GUF1: variants seen among roughly 807,000 people sequenced by gnomAD.
GUF1 encodes GTP binding elongation factor GUF1, also known as translation factor GUF1, mitochondrial.
In GUF1, 78 loss-of-function variants were observed where a neutral mutation model predicts 82.4. The ratio of observed to expected loss-of-function variants is 0.95; its 90% confidence interval spans 0.79 to 1.14. The LOEUF (loss-of-function observed/expected upper bound fraction) is 1.14. Among genes scored for constraint, GUF1 ranks in the 50% most tolerant of loss-of-function variants. GUF1 has a pLI of 0.00. For synonymous variants in GUF1, 279 were observed against 282.3 expected (o/e 0.99, Z 0.12); for missense variants, 814 against 798.2 (o/e 1.02, Z -0.24).
At chr4:44,682,973 A>G (rs533188647) in intron 5 of GUF1, among the ~76,000 whole-genome samples, 7 of 152,158 alleles carry the variant, frequency 4.6e-5, no homozygotes, top group East Asian at 3.9e-4. Flanking sequence ...TAATTGATAA[A>G]TTACTACTGA....
At chr4:44,695,904 A>G (rs9291246) in intron 15 of GUF1, among the ~76,000 whole-genome samples, 170 bp downstream of exon 15, 79,993 of 152,058 alleles carry the variant, frequency 0.53, 22,471 homozygotes, top group Non-Finnish European at 0.64. Flanking sequence ...GTTACTTTGA[A>G]TTACTTATAT....
At chr4:44,680,646 T>C (rs745757674) in intron 2 of GUF1, 48 bp from the exon 3 acceptor site, 18 of 1,439,232 alleles carry the variant, frequency 1.3e-5, no homozygotes, top group South Asian at 4.2e-5. Context: ...AATATTCTCT[T>C]TTTTTTTTAA....
intron 1 of GUF1, among the ~76,000 whole-genome samples, chr4:44,679,558 G>T (rs915187344): frequency 1.3e-5 from 2 of 152,130 alleles, no homozygotes; most frequent in Admixed American, 6.5e-5. Flanking sequence ...TATAAAGATG[G>T]TGCAATTCTC....
At position 44,685,966 on chromosome 4, in the gene GUF1, C is replaced by G. The variant is rs2109642897; in HGVS notation, c.677C>G (p.Ala226Gly). 1 of 1,598,538 alleles carries G rather than the reference C, an allele frequency of 6.3e-7. No individual in the cohort carries two copies. The highest frequency in any genetic ancestry group is 1.3e-5 in the African/African-American group (1 of 74,584). The change falls in exon 7 of 17, where the codon GCT (alanine) becomes GGT (glycine). Residue 226 changes from alanine to glycine, a missense_variant. Coordinates refer to ENST00000281543, the MANE Select transcript of GUF1 (RefSeq NM_021927.3). ...IPSDECIKIS[A>G]KLGTNVESVL... ...TCACATGTATCTTTTTAGATTTCTG[C>G]TAAACTTGGAACAAATGTTGAGAGT...
At chr4:44,684,689 A>G (rs74717185) in intron 6 of GUF1, among the ~76,000 whole-genome samples, 2,616 of 152,228 alleles carry the variant, frequency 0.017, 79 homozygotes, top group African/African-American at 0.057. Flanking sequence ...AGGAAACAAT[A>G]TACATAAAAC....
At chr4:44,695,920 C>T (rs1715783844) in intron 15 of GUF1, among the ~76,000 whole-genome samples, 186 bp downstream of exon 15, 1 of 152,128 alleles carries the variant, frequency 6.6e-6, no homozygotes, top group African/African-American at 2.4e-5. Flanking sequence ...TATATAACAG[C>T]ACTGGGTGAT....
At position 44,678,633 on chromosome 4, in the gene GUF1, T is replaced by G; in HGVS notation, c.11T>G (p.Leu4Arg). 1 of 1,468,464 alleles carries G rather than the reference T, an allele frequency of 6.8e-7. No individual in the cohort carries two copies. The highest frequency in any genetic ancestry group is 8.9e-7 in the Non-Finnish European group (1 of 1,122,980). The allele number at this position is 1,468,464 out of a possible 1,614,324, so 91.0% of individuals were successfully genotyped here. The stretch of plus-strand genomic sequence containing the variant: ...TCCGCCGCCCGGGTCATGTGGACCC[T>G]CGTGGGTCGGGGCTGGGGGTGCGCA... Reference protein sequence around the residue: MWTLVGRGWGCARA... With the variant: MWTRVGRGWGCARA... Residue 4 changes from leucine (L) to arginine (R), a missense_variant, in exon 1 of 17, where the codon CTC becomes CGC. Physicochemically the swap from Leu to Arg is moderately radical, Grantham distance 102. Transcript: ENST00000281543.
In GUF1 at chr4:44,695,597, T is replaced by C; in HGVS notation, c.1716-18T>C. 2 of 1,595,472 alleles carry C rather than the reference T, an allele frequency of 1.3e-6. No homozygotes were observed. Among genetic ancestry groups the C allele is most frequent in the Non-Finnish European group, 1.7e-6 (2 of 1,170,730 alleles). ...TTCTTATTTAGGATATATAAACAGTTGTATTTTTCTGTCTCAGAGACAAAG... is the reference window on the plus strand; with the variant it reads ...TTCTTATTTAGGATATATAAACAGTCGTATTTTTCTGTCTCAGAGACAAAG... On this transcript the variant is annotated intron_variant, in intron 14 of 16. Coordinates refer to ENST00000281543, the MANE Select transcript of GUF1 (RefSeq NM_021927.3).
intron 13 of GUF1, among the ~76,000 whole-genome samples, chr4:44,693,137 T>G (rs1363209645): frequency 1.3e-5 from 2 of 152,008 alleles, no homozygotes; most frequent in Non-Finnish European, 1.5e-5. Flanking sequence ...TCATAGACTA[T>G]GAATTAAGAT....
chr4:44,680,612 C>T (rs1714708865), intron 2 of GUF1, 60 bp downstream of exon 2: 1 of 1,425,560 alleles, frequency 7.0e-7, no homozygotes, highest in Admixed American at 2.4e-5. Flanking sequence ...ATTACTTTTA[C>T]TCTTAAATTT....
At chr4:44,689,229 T>C (rs201571452) in intron 9 of GUF1, 57 bp from the exon 10 acceptor site, 19 of 1,413,026 alleles carry the variant, frequency 1.3e-5, no homozygotes, top group Non-Finnish European at 1.7e-5. Context: ...ACACATGTGG[T>C]TTGATAGGTC....
At position 44,691,734 on chromosome 4, in the gene GUF1, T is replaced by C. The variant is rs1715459890; in HGVS notation, c.1548T>C (p.Phe516=). The stretch of plus-strand genomic sequence containing the variant: ...ATAGAGTTATGCTTAAATATCTCTT[T>C]CCTTTGAATGAAATTGTGGTAGATT... ...DQNRVMLKYL[F]PLNEIVVDFY... Residue 516 remains phenylalanine, a synonymous_variant, in exon 13 of 17, where the codon TTT becomes TTC. Transcript: ENST00000281543. 6.3e-7 allele frequency: 1 copy of C among 1,584,490 alleles called. No individual in the cohort carries two copies. Among genetic ancestry groups the C allele is most frequent in the Admixed American group, 1.7e-5 (1 of 59,034 alleles).
intron 16 of GUF1, 101 bp downstream of exon 16, chr4:44,697,545 CTT>C: frequency 6.9e-6 from 4 of 577,362 alleles, no homozygotes; most frequent in African/African-American, 3.8e-5. Context: ...TTTATACATT[CTT>C]TGTTTCCAAG....
At chr4:44,688,253 AC>A in intron 9 of GUF1, 107 bp downstream of exon 9, 2 of 1,083,948 alleles carry the variant, frequency 1.8e-6, no homozygotes, top group Non-Finnish European at 1.3e-6. Flanking sequence ...TTAAATAACC[AC>A]TAATTCCAGC....
intron 13 of GUF1, among the ~76,000 whole-genome samples, chr4:44,693,503 T>C (rs1443541222): frequency 7.0e-6 from 1 of 143,114 alleles, no homozygotes; most frequent in Non-Finnish European, 1.6e-5. Context: ...TGATGCTTCC[T>C]GAAGAAAGAA....
In GUF1 at chr4:44,700,388, C is replaced by G. The variant is rs1577574545; in HGVS notation, c.*1707C>G. On this transcript the variant is annotated 3_prime_UTR_variant, in exon 17 of 17. Coordinates refer to ENST00000281543, the MANE Select transcript of GUF1 (RefSeq NM_021927.3). Reference sequence around the variant, plus strand: ...GATTAAGGTATAACTGACTATTCCTCTACTCTCCTCTCACATGTAAATTGT... The same window carrying G: ...GATTAAGGTATAACTGACTATTCCTGTACTCTCCTCTCACATGTAAATTGT... The G allele has an allele frequency of 6.6e-6, 1 of 152,164 alleles. No homozygotes were observed. Among genetic ancestry groups the G allele is most frequent in the Non-Finnish European group, 1.5e-5 (1 of 68,028 alleles). The allele number at this position is 152,164 out of a possible 1,614,324, so 9.4% of individuals were successfully genotyped here. A position where few individuals can be genotyped will look rare whatever the true frequency, so the allele number is the denominator to read the frequency against.
At position 44,680,507 on chromosome 4, in the gene GUF1, G is replaced by T. The variant is rs1714701546; in HGVS notation, c.232G>T (p.Asp78Tyr). ...IRNFSIVAHVDHGKSTLADRL... is the reference protein window; with the variant it reads ...IRNFSIVAHVYHGKSTLADRL... ...AAATTTCAGTATTGTTGCACACGTG[G>T]ATCATGGCAAAAGTACTTTAGCTGA... The change falls in exon 2 of 17, where the codon GAT becomes TAT. Residue 78 changes from aspartate to tyrosine, a missense_variant. Transcript: ENST00000281543. 6.2e-7 allele frequency: 1 copy of T among 1,610,018 alleles called. No homozygotes were observed. The highest frequency in any genetic ancestry group is 2.2e-5 in the East Asian group (1 of 44,580).
At chr4:44,695,143 G>A (rs1404626359) in intron 14 of GUF1, among the ~76,000 whole-genome samples, 4 of 152,090 alleles carry the variant, frequency 2.6e-5, no homozygotes, top group African/African-American at 9.7e-5. Flanking sequence ...ACCCCCACGT[G>A]TTCAAGAAAC....
rs189496221 is a variant in GUF1 at position 44,681,221 on chromosome 4, T to G, written c.507+18T>G. ...CAAATGAGGTAGGTATTTTTCATTT[T>G]GTATGATGTGATATGACATGACTAT... is the stretch of plus-strand genomic sequence containing the variant. On this transcript the variant is annotated intron_variant, in intron 4 of 16. Transcript: ENST00000281543. 37 of 1,548,054 alleles carry G rather than the reference T, an allele frequency of 2.4e-5. No individual in the cohort carries two copies. The highest frequency in any genetic ancestry group is 3.2e-5 in the Non-Finnish European group (36 of 1,120,222).
Sources: gnomAD v4.1 joint callset for allele counts (sites outside exome capture counted in the v4.1 genomes callset) on GRCh38, gnomAD v4.1.1 for gene constraint, MANE v1.5 for transcripts, NCBI Gene and HGNC (gene_info 2026-07-23, HGNC 2026-07-21) for gene names.